CYP26B1: variants seen among roughly 807,000 people sequenced by gnomAD.
The protein encoded by CYP26B1 is cytochrome P450 family 26 subfamily B member 1, also known as cytochrome P450 26B1.
In CYP26B1, 8 loss-of-function variants were observed where a neutral mutation model predicts 39.1. The ratio of observed to expected loss-of-function variants is 0.20; its 90% CI spans 0.12 to 0.37. CYP26B1 has a LOEUF of 0.37. Ranked by LOEUF, CYP26B1 falls within the 10% of genes least tolerant of loss-of-function variation. CYP26B1 has a pLI of 1.00. For synonymous variants in CYP26B1, 321 were observed against 314.3 expected, an observed-to-expected ratio of 1.02 and a Z score of -0.23; for missense variants, 615 against 707.0, an observed-to-expected ratio of 0.87 and a Z score of 1.48.
At position 72,130,300 on chromosome 2, in the gene CYP26B1, G is replaced by A. The variant is rs2104021643; in HGVS notation, c.*1927C>T. ...GCTTTGACAAGTCTTTACCCATTCTGGCCTGTTTTTCAGGATTAGGGATGA... is the reference window on the plus strand; with the variant it reads ...GCTTTGACAAGTCTTTACCCATTCTAGCCTGTTTTTCAGGATTAGGGATGA... On this transcript the variant is annotated 3_prime_UTR_variant, in exon 6 of 6. Coordinates refer to ENST00000001146, the MANE Select transcript of CYP26B1 (RefSeq NM_019885.4). 1 of 152,322 alleles carries A rather than the reference G, an allele frequency of 6.6e-6. No homozygotes were observed. Among genetic ancestry groups the A allele is most frequent in the South Asian group, 2.1e-4 (1 of 4,826 alleles). 9.4% of individuals were successfully genotyped at this position (152,322 alleles called of 1,614,324 possible).
rs144952086 is a variant in CYP26B1 at position 72,132,530 on chromosome 2, G to A, written c.1236C>T (p.Phe412=). Residue 412 remains phenylalanine (F), a synonymous_variant, in exon 6 of 6, where the codon TTC becomes TTT. Coordinates refer to ENST00000001146, the MANE Select transcript of CYP26B1 (RefSeq NM_019885.4). ...GCGCCTGGCTGAAGCGATCGGGGTC[G>A]AACACGTTCACGTCTTTGAACACGG... ...TAPVFKDVNV[F]DPDRFSQARS... 476 of 1,610,010 alleles carry A rather than the reference G, an allele frequency of 3.0e-4. No individual in the cohort carries two copies. The African/African-American group carries it at 5.1e-3, about 17-fold the overall frequency.
At chr2:72,136,175 G>A (rs1424345859) in intron 2 of CYP26B1, among the ~76,000 whole-genome samples, 1 of 152,130 alleles carries the variant, frequency 6.6e-6, no homozygotes, top group Non-Finnish European at 1.5e-5. Flanking sequence ...AAAGCCTGTG[G>A]GTCTCGCTCA....
intron 2 of CYP26B1, among the ~76,000 whole-genome samples, chr2:72,137,998 T>C (rs1676826457): frequency 6.6e-6 from 1 of 152,072 alleles, no homozygotes; most frequent in African/African-American, 2.4e-5. Context: ...CCCCGCTGGG[T>C]TCATGAGAGG....
intron 4 of CYP26B1, 61 bp from the exon 5 acceptor site, chr2:72,133,368 CCATT>C (rs1676658676): frequency 6.4e-7 from 1 of 1,563,796 alleles, no homozygotes. Flanking sequence ...AGGGGCCGCC[CCATT>C]CAGTCAGTGG....
chr2:72,135,052 T>G, intron 3 of CYP26B1, 92 bp downstream of exon 3: 4 of 1,602,666 alleles, frequency 2.5e-6, no homozygotes, highest in Non-Finnish European at 3.4e-6. Flanking sequence ...TGTGCCTAGG[T>G]GCCCATCTCA....
At chr2:72,135,737 G>A (rs1034346313) in intron 2 of CYP26B1, among the ~76,000 whole-genome samples, 1 of 152,184 alleles carries the variant, frequency 6.6e-6, no homozygotes, top group Non-Finnish European at 1.5e-5. Flanking sequence ...AGGGAAGTAG[G>A]GGAAGGCCAT....
At position 72,147,423 on chromosome 2, in the gene CYP26B1, G is replaced by T. The variant is rs1477113066; in HGVS notation, c.204+208C>A. Among the ~76,000 whole-genome samples, 1 of 152,194 alleles carries T rather than the reference G, an allele frequency of 6.6e-6. No individual in the cohort carries two copies. Among genetic ancestry groups the T allele is most frequent in the African/African-American group, 2.4e-5 (1 of 41,462 alleles). On this transcript the variant is annotated intron_variant, in intron 1 of 5. Transcript: ENST00000001146. This position sits in a 1 kb window ranked among gnomAD's most constrained non-coding sequence, Gnocchi z 6.1. ...CGGGAACCCCTCTTACCAGCCCCCT[G>T]AACCTGCGCCGCGGGCGCCAGTGGT...
rs1429979101 is a variant in CYP26B1, at chr2:72,147,848, C to T, written c.-14G>A. ...CTCAAAGAGCATGTTGGCGGCCGCTCGGGGGATTGGCTGTGCCGGCCGCGG... is the reference window on the plus strand; with the variant it reads ...CTCAAAGAGCATGTTGGCGGCCGCTTGGGGGATTGGCTGTGCCGGCCGCGG... On this transcript the variant is annotated 5_prime_UTR_variant, in exon 1 of 6. Transcript: ENST00000001146. This position sits in a 1 kb window ranked among gnomAD's most constrained non-coding sequence, Gnocchi z 6.1. The T allele has an allele frequency of 7.9e-6, 10 of 1,260,434 alleles. No homozygotes were observed. Among genetic ancestry groups the T allele is most frequent in the Non-Finnish European group, 1.0e-5 (10 of 969,170 alleles). The allele number at this position is 1,260,434 out of a possible 1,614,324, so 78.1% of individuals were successfully genotyped here.
At chr2:72,143,558 C>T (rs1290843717) in intron 2 of CYP26B1, among the ~76,000 whole-genome samples, 1 of 152,374 alleles carries the variant, frequency 6.6e-6, no homozygotes, top group East Asian at 1.9e-4. Context: ...CCCGCGACTC[C>T]CTTCAAGCAG....
intron 2 of CYP26B1, among the ~76,000 whole-genome samples, chr2:72,136,438 C>T (rs1222060560): frequency 6.6e-6 from 1 of 152,252 alleles, no homozygotes; most frequent in East Asian, 1.9e-4. Context: ...TGGCCTAGGC[C>T]CTGCATGGCT....
At chr2:72,139,384 A>T (rs921250618) in intron 2 of CYP26B1, among the ~76,000 whole-genome samples, 1 of 152,116 alleles carries the variant, frequency 6.6e-6, no homozygotes. Context: ...CCTCAGCTTC[A>T]CCCTGGCCCA....
Position 72,132,302 on chromosome 2 carries a change from G to A in CYP26B1, c.1464C>T (p.Val488=), listed in dbSNP as rs759293226. The A allele has an allele frequency of 6.2e-7, 1 of 1,607,126 alleles. No homozygotes were observed. Among genetic ancestry groups the A allele is most frequent in the South Asian group, 1.1e-5 (1 of 89,742 alleles). ...GGTTGGAGTCCAGGCCAAAGAACTT[G>A]ACGCTGAGGCCATCCACGGGGTGCA... ...PVLHPVDGLS[V]KFFGLDSNQN... is the part of the protein sequence containing the mutation. Residue 488 remains valine (V), a synonymous_variant, in exon 6 of 6, where the codon GTC becomes GTT. Coordinates refer to ENST00000001146, the MANE Select transcript of CYP26B1 (RefSeq NM_019885.4).
intron 2 of CYP26B1, among the ~76,000 whole-genome samples, chr2:72,143,407 C>G (rs1015911112): frequency 6.6e-5 from 10 of 152,096 alleles, no homozygotes; most frequent in Non-Finnish European, 1.5e-4. Flanking sequence ...CCCGCTCGTG[C>G]CTCGCCTGCT....
chr2:72,139,354 T>C (rs1185635119), intron 2 of CYP26B1, among the ~76,000 whole-genome samples: 2 of 152,150 alleles, frequency 1.3e-5, no homozygotes, highest in East Asian at 3.9e-4. Flanking sequence ...GAGGACGTCA[T>C]CTTCCCAGCT....
chr2:72,145,249 A>T (rs1305853383), intron 1 of CYP26B1, among the ~76,000 whole-genome samples: 1 of 152,030 alleles, frequency 6.6e-6, no homozygotes, highest in Admixed American at 6.5e-5. Context: ...CCCCCTCCTC[A>T]CTTTCCTTTT....
Position 72,135,559 on chromosome 2 carries a change from CCA to C in CYP26B1, c.430-142_430-141del, listed in dbSNP as rs1676747531. 7 of 1,244,490 alleles carry C rather than the reference CCA, an allele frequency of 5.6e-6. No individual in the cohort carries two copies. The African/African-American group carries it at 8.9e-5, about 16-fold the overall frequency. 77.1% of individuals were successfully genotyped at this position (1,244,490 alleles called of 1,614,324 possible). A position where few individuals can be genotyped will look rare whatever the true frequency, so the allele number is the denominator to read the frequency against. Reference sequence around the variant, plus strand: ...AGCAAAGCCTTGGGAGCTGGGCAGGCCAGCTGCCAGCAAGTCTTTGGGGGATG... The same window carrying C: ...AGCAAAGCCTTGGGAGCTGGGCAGGCGCTGCCAGCAAGTCTTTGGGGGATG... On this transcript the variant is annotated intron_variant, in intron 2 of 5. Transcript: ENST00000001146.
rs1398356566 is a variant in CYP26B1, at chr2:72,130,614, T to C, written c.*1613A>G. The C allele has an allele frequency of 6.6e-6, 1 of 152,126 alleles. No individual in the cohort carries two copies. The highest frequency in any genetic ancestry group is 1.5e-5 in the Non-Finnish European group (1 of 68,018). 9.4% of individuals were successfully genotyped at this position (152,126 alleles called of 1,614,324 possible). ...TCTTGTAAAGGGGATTCATTGCTTTTACAACATCAAAAACCAATAAACACA... is the reference window on the plus strand; with the variant it reads ...TCTTGTAAAGGGGATTCATTGCTTTCACAACATCAAAAACCAATAAACACA... On this transcript the variant is annotated 3_prime_UTR_variant, in exon 6 of 6. Transcript: ENST00000001146.
rs1449792247 is a variant in CYP26B1 at position 72,129,457 on chromosome 2, TTAA to T, written c.*2767_*2769del. 3.3e-5 allele frequency: 5 copies of T among 152,630 alleles called. No homozygotes were observed. The highest frequency in any genetic ancestry group is 1.2e-4 in the African/African-American group (5 of 41,426). The allele number at this position is 152,630 out of a possible 1,614,324, so 9.5% of individuals were successfully genotyped here. On this transcript the variant is annotated 3_prime_UTR_variant, in exon 6 of 6. Transcript: ENST00000001146. Reference sequence around the variant, plus strand: ...TTAAAACGACTGTGATAAAAACATATTAATATTTTGAACCATGTTTACAATAGA... The same window carrying T: ...TTAAAACGACTGTGATAAAAACATATTATTTTGAACCATGTTTACAATAGA...
At chr2:72,140,222 C>T (rs1201387111) in intron 2 of CYP26B1, among the ~76,000 whole-genome samples, 1 of 152,204 alleles carries the variant, frequency 6.6e-6, no homozygotes, top group Non-Finnish European at 1.5e-5. Context: ...CCCCTGAATC[C>T]AGGCCGCCCA....
Sources: allele counts gnomAD v4.1 joint callset (sites outside exome capture counted in the v4.1 genomes callset), GRCh38; gene constraint gnomAD v4.1.1; non-coding constraint Gnocchi (gnomAD v3.1); transcripts MANE v1.5; gene names NCBI Gene and HGNC (gene_info 2026-07-23, HGNC 2026-07-21).